Variants in UTP18 observed in about 807,000 individuals in gnomAD.
The protein encoded by UTP18 is UTP18 small subunit processome component, also known as U3 small nucleolar RNA-associated protein 18 homolog.
In UTP18, 36 loss-of-function variants were observed where a neutral mutation model predicts 61.1. The ratio of observed to expected loss-of-function variants is 0.59; its 90% confidence interval spans 0.45 to 0.78. The LOEUF is 0.78. UTP18 is among the 30% of genes least tolerant of loss of function. UTP18 has a pLI of 0.00. For synonymous variants in UTP18, 282 were observed against 251.1 expected (o/e 1.12, Z -1.16); for missense variants, 753 against 693.9 (o/e 1.09, Z -0.96).
chr17:51,294,446 G>A (rs569467712), intron 12 of UTP18, among the ~76,000 whole-genome samples: 99 of 149,998 alleles, frequency 6.6e-4, no homozygotes, highest in Non-Finnish European at 9.6e-4. Context: ...GAGAACATGC[G>A]GTGTTTGGTT....
chr17:51,271,660 A>T lies in UTP18; in HGVS notation c.623-1702A>T, dbSNP rs578223227. Among the ~76,000 whole-genome samples, 5 of 152,124 alleles carry T rather than the reference A, an allele frequency of 3.3e-5. No homozygotes were observed. The South Asian group carries it at 6.2e-4, about 19-fold the overall frequency. ...TGTTAAAAACATCTATTGGAGGCTT[A>T]ATTTAATTTTATTTGTTATTATTTT... On this transcript the variant is annotated intron_variant, in intron 4 of 13. Coordinates refer to ENST00000225298, the MANE Select transcript of UTP18 (RefSeq NM_016001.3).
At position 51,260,643 on chromosome 17, in the gene UTP18, A is replaced by G. The variant is rs1404112869; in HGVS notation, c.59A>G (p.Lys20Arg). 2.5e-6 allele frequency: 4 copies of G among 1,612,568 alleles called. No individual in the cohort carries two copies. Among genetic ancestry groups the G allele is most frequent in the Non-Finnish European group, 3.4e-6 (4 of 1,179,704 alleles). ...GACCGGAGAACCGGAGCGAAGCCGAAGCGGAAGCCCGGAATGAGGCCGGAC... is the reference window on the plus strand; with the variant it reads ...GACCGGAGAACCGGAGCGAAGCCGAGGCGGAAGCCCGGAATGAGGCCGGAC... ...KLDRRTGAKPKRKPGMRPDWK... is the reference protein window; with the variant it reads ...KLDRRTGAKPRRKPGMRPDWK... Residue 20 changes from lysine (K) to arginine (R), a missense_variant, in exon 1 of 14, where the codon AAG (lysine) becomes AGG (arginine). Coordinates refer to ENST00000225298, the MANE Select transcript of UTP18 (RefSeq NM_016001.3).
At chr17:51,267,906 G>T (rs945867128) in intron 3 of UTP18, among the ~76,000 whole-genome samples, 1 of 150,922 alleles carries the variant, frequency 6.6e-6, no homozygotes, top group Non-Finnish European at 1.5e-5. Flanking sequence ...TTTATGGCTC[G>T]TGGGCTTAGT....
chr17:51,292,266 A>G (rs1211387511), intron 11 of UTP18, among the ~76,000 whole-genome samples: 3 of 152,360 alleles, frequency 2.0e-5, no homozygotes, highest in Non-Finnish European at 4.4e-5. Flanking sequence ...GAACTTTAGA[A>G]GTGAAGTCCA....
In UTP18 at chr17:51,266,279, G is replaced by T; in HGVS notation, c.553G>T (p.Glu185Ter). The change falls in exon 3 of 14, where the codon GAA (glutamate) becomes TAA (stop). Residue 185 changes from glutamate to a stop codon, truncating the protein, a stop_gained and splice_region_variant. Coordinates refer to ENST00000225298, the MANE Select transcript of UTP18 (RefSeq NM_016001.3). LOFTEE classifies it high-confidence loss of function. ...KDNLKKRLKEEFQHAMGGVPA... is the reference protein window; with the variant it reads ...KDNLKKRLKE The stretch of plus-strand genomic sequence containing the variant: ...CAACCTTAAAAAGAGACTTAAAGAA[G>T]AGTAAGTGTCTTTTTTCATATGATT... 1 of 1,585,104 alleles carries T rather than the reference G, an allele frequency of 6.3e-7. No homozygotes were observed. The highest frequency in any genetic ancestry group is 1.2e-5 in the South Asian group (1 of 85,690).
At chr17:51,281,157 TA>T (rs1374967885) in intron 9 of UTP18, among the ~76,000 whole-genome samples, 2 of 93,130 alleles carry the variant, frequency 2.1e-5, no homozygotes, top group Non-Finnish European at 2.1e-5. Context: ...TATATATATA[TA>T]TATATATTTT....
Position 51,295,515 on chromosome 17 carries a change from T to C in UTP18, c.1647-1450T>C, listed in dbSNP as rs147349470. Among the ~76,000 whole-genome samples the C allele has an allele frequency of 4.9e-3, 749 of 152,330 alleles. 17 individuals carry two copies. The highest frequency in any genetic ancestry group is 0.044 in the Admixed American group (670 of 15,300). ...GTCAAAGATCAGATGGTTGTAGATA[T>C]GCAGCATTATTTCTGAGGCCTCTGT... On this transcript the variant is annotated intron_variant, in intron 12 of 13. Coordinates refer to ENST00000225298, the MANE Select transcript of UTP18 (RefSeq NM_016001.3).
At position 51,272,532 on chromosome 17, in the gene UTP18, T is replaced by TGG; in HGVS notation, c.623-829_623-828dup. ...TGCCTGGTTATATTTCATTGAGTGG[T>TGG]GGACATTGCATATGAAAAATAATGT... On this transcript the variant is annotated intron_variant, in intron 4 of 13. Coordinates refer to ENST00000225298, the MANE Select transcript of UTP18 (RefSeq NM_016001.3). 2.0e-5 allele frequency among the ~76,000 whole-genome samples: 3 copies of TGG among 152,306 alleles called. No individual in the cohort carries two copies. The South Asian group carries it at 6.2e-4, about 32-fold the overall frequency.
intron 3 of UTP18, among the ~76,000 whole-genome samples, chr17:51,267,170 C>T (rs1447597392): frequency 1.3e-5 from 2 of 152,066 alleles, no homozygotes; most frequent in African/African-American, 2.4e-5. Context: ...TTCGCCATGT[C>T]GCCCAGGCTG....
intron 11 of UTP18, among the ~76,000 whole-genome samples, chr17:51,293,441 G>C (rs563770517): frequency 2.8e-4 from 42 of 152,144 alleles, no homozygotes; most frequent in African/African-American, 8.4e-4. Flanking sequence ...AACCCACGGC[G>C]CAGGACGGTT....
intron 7 of UTP18, among the ~76,000 whole-genome samples, chr17:51,278,783 C>G (rs940787276): frequency 1.3e-5 from 2 of 152,140 alleles, no homozygotes; most frequent in Non-Finnish European, 2.9e-5. Context: ...ACGGTTTATT[C>G]AGAAATTTGG....
chr17:51,290,883 A>G (rs983029719), intron 11 of UTP18, among the ~76,000 whole-genome samples: 11 of 152,352 alleles, frequency 7.2e-5, no homozygotes, highest in East Asian at 1.9e-4. Context: ...AATGCAGTCA[A>G]TTCCTTATAA....
chr17:51,260,837 C>G lies in UTP18; in HGVS notation c.253C>G (p.Pro85Ala), dbSNP rs764711930. 3.8e-6 allele frequency: 6 copies of G among 1,598,254 alleles called. No individual in the cohort carries two copies. The highest frequency in any genetic ancestry group is 5.1e-6 in the Non-Finnish European group (6 of 1,173,446). Residue 85 changes from proline to alanine, a missense_variant, in exon 1 of 14, where the codon CCG (proline) becomes GCG (alanine). Physicochemically the swap from Pro to Ala is conservative, Grantham distance 27. Coordinates refer to ENST00000225298, the MANE Select transcript of UTP18 (RefSeq NM_016001.3). Reference sequence around the variant, plus strand: ...CCGCCTGAGGCTGGAGGAGGACAAACCGGCCGTGGAGCGGTGCTTGGAGGA... The same window carrying G: ...CCGCCTGAGGCTGGAGGAGGACAAAGCGGCCGTGGAGCGGTGCTTGGAGGA... ...RNRLRLEEDK[P>A]AVERCLEELV...
intron 9 of UTP18, among the ~76,000 whole-genome samples, chr17:51,282,403 A>G (rs1416404368): frequency 6.6e-6 from 1 of 152,244 alleles, no homozygotes; most frequent in Non-Finnish European, 1.5e-5. Flanking sequence ...AATGCATATA[A>G]GGCCAGGAGC....
At chr17:51,293,710 TATAAAA>T in intron 11 of UTP18, among the ~76,000 whole-genome samples, 187 bp from the exon 12 acceptor site, 1 of 152,150 alleles carries the variant, frequency 6.6e-6, no homozygotes, top group Admixed American at 6.5e-5. Context: ...ATCTCTTAAC[TATAAAA>T]ATAAAGTAAT....
intron 12 of UTP18, chr17:51,296,172 A>T (rs1392399452): frequency 6.6e-6 from 1 of 152,232 alleles, no homozygotes; most frequent in African/African-American, 2.4e-5. Flanking sequence ...GATATAGGTG[A>T]CAAGGTGGAT....
chr17:51,275,318 A>G (rs1287047307), intron 5 of UTP18, among the ~76,000 whole-genome samples: 1 of 152,204 alleles, frequency 6.6e-6, no homozygotes, highest in Non-Finnish European at 1.5e-5. Flanking sequence ...TAAAAACAAA[A>G]TAAATAACAA....
chr17:51,274,038 C>G (rs1409366213), intron 5 of UTP18, among the ~76,000 whole-genome samples: 1 of 152,222 alleles, frequency 6.6e-6, no homozygotes, highest in African/African-American at 2.4e-5. Context: ...CCTTTACAGT[C>G]TGGCTTTTGC....
intron 12 of UTP18, chr17:51,296,600 T>C (rs1468430863): frequency 1.7e-5 from 3 of 173,368 alleles, no homozygotes; most frequent in African/African-American, 7.1e-5. Context: ...AAATTTTTTT[T>C]TCTCTAAGAC....
Sources: gnomAD v4.1 joint callset for allele counts (sites outside exome capture counted in the v4.1 genomes callset) on GRCh38, gnomAD v4.1.1 for gene constraint, MANE v1.5 for transcripts, NCBI Gene and HGNC (gene_info 2026-07-23, HGNC 2026-07-21) for gene names.